Variants in FBXO45 observed in about 807,000 individuals in gnomAD.
The protein encoded by FBXO45 is F-box/SPRY domain-containing protein 1.
Under a neutral mutation model 25.5 loss-of-function variants are expected in FBXO45, and 3 were observed. That is an observed-to-expected ratio of 0.12 (90% CI 0.05 to 0.30). FBXO45 has a LOEUF of 0.30. FBXO45 is among the 10% of genes least tolerant of loss of function. FBXO45 has a pLI of 1.00. For missense variants in FBXO45, 219 were observed against 365.0 expected (o/e 0.60, Z 3.26); for synonymous variants, 155 against 149.8 (o/e 1.03, Z -0.25).
chr3:196,575,353 G>A (rs1359877784), intron 1 of FBXO45, among the ~76,000 whole-genome samples: 2 of 151,780 alleles, frequency 1.3e-5, no homozygotes, highest in Non-Finnish European at 2.9e-5. Flanking sequence ...CTACTCGGGG[G>A]AGGCTGAGAC....
intron 1 of FBXO45, among the ~76,000 whole-genome samples, chr3:196,575,875 G>A (rs555928272): frequency 5.5e-4 from 83 of 152,022 alleles, no homozygotes; most frequent in African/African-American, 2.0e-3. Flanking sequence ...TTGGGGTTTC[G>A]CCATGTTGCC....
Position 196,569,199 on chromosome 3 carries a change from G to A in FBXO45, c.215G>A (p.Gly72Asp), listed in dbSNP as rs541759068. Residue 72 changes from glycine (G) to aspartate (D), a missense_variant, in exon 1 of 3, where the codon GGC (glycine) becomes GAC (aspartate). This residue lies in a region of FBXO45 where 138 missense variants were observed against 157.3 expected (regional missense o/e 0.88). Transcript: ENST00000311630. This position sits in a 1 kb window ranked among gnomAD's most constrained non-coding sequence, Gnocchi z 4.1. Reference protein sequence around the residue: ...VCKHWYRCLHGDENSEVWRSL... With the variant: ...VCKHWYRCLHDDENSEVWRSL... ...AAGCACTGGTACCGCTGCCTGCACG[G>A]CGATGAGAACAGCGAGGTGTGGCGG... The A allele has an allele frequency of 1.3e-6, 2 of 1,571,702 alleles. No individual in the cohort carries two copies. Among genetic ancestry groups the A allele is most frequent in the Admixed American group, 3.8e-5 (2 of 53,306 alleles).
rs1032941346 is a variant in FBXO45 at position 196,585,411 on chromosome 3, C to T, written c.*1093C>T. On this transcript the variant is annotated 3_prime_UTR_variant, in exon 3 of 3. Transcript: ENST00000311630. ...GATATTATCAAAAAAATTTTAATTTCATATTGTTTACATCATGCAACTAAT... is the reference window on the plus strand; with the variant it reads ...GATATTATCAAAAAAATTTTAATTTTATATTGTTTACATCATGCAACTAAT... 2 of 152,058 alleles carry T rather than the reference C, an allele frequency of 1.3e-5. No homozygotes were observed. The highest frequency in any genetic ancestry group is 2.9e-5 in the Non-Finnish European group (2 of 67,990). 9.4% of individuals were successfully genotyped at this position (152,058 alleles called of 1,614,324 possible).
Position 196,569,407 on chromosome 3 carries a change from C to T in FBXO45, c.318+105C>T. ...GAGTCAGAAGCTTCGCCTCACCAGC[C>T]CGCCTTTCCACGGCTCCAGTCAGTA... On this transcript the variant is annotated intron_variant, in intron 1 of 2. Coordinates refer to ENST00000311630, the MANE Select transcript of FBXO45 (RefSeq NM_001105573.2). This position sits in a 1 kb window ranked among gnomAD's most constrained non-coding sequence, Gnocchi z 4.1. 1.7e-6 allele frequency: 2 copies of T among 1,167,606 alleles called. No homozygotes were observed. The highest frequency in any genetic ancestry group is 1.2e-6 in the Non-Finnish European group (1 of 849,022). The allele number at this position is 1,167,606 out of a possible 1,614,324, so 72.3% of individuals were successfully genotyped here.
At position 196,569,339 on chromosome 3, in the gene FBXO45, C is replaced by T. The variant is rs1180894358; in HGVS notation, c.318+37C>T. 6.9e-7 allele frequency: 1 copy of T among 1,442,090 alleles called. No individual in the cohort carries two copies. The highest frequency in any genetic ancestry group is 2.3e-5 in the Admixed American group (1 of 43,776). The allele number at this position is 1,442,090 out of a possible 1,614,324, so 89.3% of individuals were successfully genotyped here. A position where few individuals can be genotyped will look rare whatever the true frequency, so the allele number is the denominator to read the frequency against. On this transcript the variant is annotated intron_variant, in intron 1 of 2. Transcript: ENST00000311630. This position sits in a 1 kb window ranked among gnomAD's most constrained non-coding sequence, Gnocchi z 4.1. ...CCGGGCCACACCGCTGCCCCCAGTC[C>T]CGCTCCCCGGCGTCGTTCGCGGTGT...
At chr3:196,570,700 CTTTTCTT>C (rs1016758906) in intron 1 of FBXO45, among the ~76,000 whole-genome samples, 12 of 142,034 alleles carry the variant, frequency 8.4e-5, no homozygotes, top group African/African-American at 1.8e-4. Flanking sequence ...AGTTGTTTCT[CTTTTCTT>C]TTTTCTTTTT....
intron 1 of FBXO45, among the ~76,000 whole-genome samples, chr3:196,570,975 G>T (rs1336983674): frequency 1.3e-5 from 2 of 152,160 alleles, no homozygotes; most frequent in African/African-American, 4.8e-5. Context: ...CTCCCAAAGT[G>T]CTGGGATTAC....
intron 1 of FBXO45, among the ~76,000 whole-genome samples, chr3:196,576,359 T>G (rs1735913801): frequency 6.6e-6 from 1 of 152,168 alleles, no homozygotes; most frequent in Non-Finnish European, 1.5e-5. Flanking sequence ...TTTGGGTAGT[T>G]TGACTAAAGT....
rs1735759412 is a variant in FBXO45 at position 196,569,834 on chromosome 3, T to C, written c.318+532T>C. Among the ~76,000 whole-genome samples the C allele has an allele frequency of 1.3e-5, 2 of 152,234 alleles. No individual in the cohort carries two copies. Among genetic ancestry groups the C allele is most frequent in the Admixed American group, 1.3e-4 (2 of 15,280 alleles). ...ACTATATTGGAGGCTTACAAGTGAG[T>C]GTAGTTCTAGTCATCCTGCTCACTT... On this transcript the variant is annotated intron_variant, in intron 1 of 2. Transcript: ENST00000311630. The surrounding 1 kb of genome is among the most constrained non-coding windows in gnomAD (Gnocchi z 4.1).
chr3:196,572,436 G>A (rs577668114), intron 1 of FBXO45, among the ~76,000 whole-genome samples: 1 of 152,302 alleles, frequency 6.6e-6, no homozygotes, highest in African/African-American at 2.4e-5. Context: ...GTGAGGGAAG[G>A]CTTTCTCAGA....
At chr3:196,577,848 C>G in intron 2 of FBXO45, 39 bp downstream of exon 2, 1 of 1,271,952 alleles carries the variant, frequency 7.9e-7, no homozygotes, top group African/African-American at 1.5e-5. Flanking sequence ...GGGCCTTTGT[C>G]AAATCACGCC....
intron 1 of FBXO45, among the ~76,000 whole-genome samples, chr3:196,576,528 A>G (rs551629363): frequency 6.6e-6 from 1 of 152,358 alleles, no homozygotes; most frequent in Admixed American, 6.5e-5. Flanking sequence ...AGTCTGGGTG[A>G]CAGAGTGAGA....
At chr3:196,577,169 G>A (rs1050776590) in intron 1 of FBXO45, among the ~76,000 whole-genome samples, 2 of 152,076 alleles carry the variant, frequency 1.3e-5, no homozygotes, top group African/African-American at 4.8e-5. Flanking sequence ...TAAGATATAA[G>A]GATTTTTCTT....
At chr3:196,574,081 C>A (rs937337549) in intron 1 of FBXO45, among the ~76,000 whole-genome samples, 1 of 151,806 alleles carries the variant, frequency 6.6e-6, no homozygotes, top group African/African-American at 2.4e-5. Flanking sequence ...ATTACAGGAG[C>A]CTGCCACTAC....
chr3:196,577,666 G>T lies in FBXO45; in HGVS notation c.532G>T (p.Ala178Ser), dbSNP rs1295813302. Residue 178 changes from alanine (A) to serine (S), a missense_variant, in exon 2 of 3, where the codon GCC (alanine) becomes TCC (serine). By Grantham distance (99) the Ala-to-Ser change is moderately conservative (BLOSUM62 1). Coordinates refer to ENST00000311630, the MANE Select transcript of FBXO45 (RefSeq NM_001105573.2). ...AGTGATTGGAATTGCCACAAAACGGGCCCCCATGCAGTGCCAAGGTTATGT... is the reference window on the plus strand; with the variant it reads ...AGTGATTGGAATTGCCACAAAACGGTCCCCCATGCAGTGCCAAGGTTATGT... ...VAVIGIATKR[A>S]PMQCQGYVAL... 6.2e-7 allele frequency: 1 copy of T among 1,613,694 alleles called. No homozygotes were observed. The highest frequency in any genetic ancestry group is 8.5e-7 in the Non-Finnish European group (1 of 1,179,752).
At chr3:196,570,984 A>G (rs981027296) in intron 1 of FBXO45, among the ~76,000 whole-genome samples, 2 of 152,164 alleles carry the variant, frequency 1.3e-5, no homozygotes, top group African/African-American at 4.8e-5. Context: ...TGCTGGGATT[A>G]CAGGCGTGAG....
chr3:196,577,965 A>AT (rs11306913), intron 2 of FBXO45, among the ~76,000 whole-genome samples, 156 bp downstream of exon 2: 56 of 135,768 alleles, frequency 4.1e-4, no homozygotes, highest in African/African-American at 8.1e-4. Flanking sequence ...CTTCAAGGAG[A>AT]TTTTTTTTTT....
chr3:196,569,192 C>T lies in FBXO45; in HGVS notation c.208C>T (p.Leu70=), dbSNP rs367785550. 6.4e-7 allele frequency: 1 copy of T among 1,567,390 alleles called. No individual in the cohort carries two copies. The highest frequency in any genetic ancestry group is 8.6e-7 in the Non-Finnish European group (1 of 1,156,780). Residue 70 remains leucine (L), a synonymous_variant, in exon 1 of 3, where the codon CTG becomes TTG. Coordinates refer to ENST00000311630, the MANE Select transcript of FBXO45 (RefSeq NM_001105573.2). The surrounding 1 kb of genome is among the most constrained non-coding windows in gnomAD (Gnocchi z 4.1). ...GGTGTGCAAGCACTGGTACCGCTGC[C>T]TGCACGGCGATGAGAACAGCGAGGT... ...ALVCKHWYRC[L]HGDENSEVWR...
chr3:196,569,115 TG>T lies in FBXO45; in HGVS notation c.133del (p.Glu45SerfsTer126). On this transcript the variant is annotated frameshift_variant, in exon 1 of 3. Coordinates refer to ENST00000311630, the MANE Select transcript of FBXO45 (RefSeq NM_001105573.2). LOFTEE classifies it high-confidence loss of function. The surrounding 1 kb of genome is among the most constrained non-coding windows in gnomAD (Gnocchi z 4.1). Reference sequence around the variant, plus strand: ...GGGGGCCGGCTGCCCAGCCGGGTGCTGGAGTTGGTGTTCTCTTACCTGGAGC... The same window carrying T: ...GGGGGCCGGCTGCCCAGCCGGGTGCTGAGTTGGTGTTCTCTTACCTGGAGC... ...GAGGRLPSRVLELVFSYLELS... is the reference protein window; with the variant it reads ...GAGGRLPSRVXELVFSYLELS... 6.5e-7 allele frequency: 1 copy of T among 1,531,736 alleles called. No homozygotes were observed. 94.9% of individuals were successfully genotyped at this position (1,531,736 alleles called of 1,614,324 possible). A position where few individuals can be genotyped will look rare whatever the true frequency, so the allele number is the denominator to read the frequency against.
Sources: allele counts gnomAD v4.1 joint callset (sites outside exome capture counted in the v4.1 genomes callset), GRCh38; gene constraint gnomAD v4.1.1; regional missense constraint gnomAD v4.1.1; non-coding constraint Gnocchi (gnomAD v3.1); transcripts MANE v1.5; gene names NCBI Gene and HGNC (gene_info 2026-07-23, HGNC 2026-07-21).